The following SNTG1 variants were observed in gnomAD, a reference collection of about 807,000 sequenced individuals.
SNTG1 encodes gamma-1-syntrophin.
Under a neutral mutation model 74.7 loss-of-function variants are expected in SNTG1, and 39 were observed. That is an observed-to-expected ratio of 0.52 (90% confidence interval 0.40 to 0.68). The LOEUF (loss-of-function observed/expected upper bound fraction) is 0.68. Ranked by LOEUF, SNTG1 falls within the 30% of genes least tolerant of loss-of-function variation. The pLI, the probability that SNTG1 is intolerant of heterozygous loss-of-function variation, is 0.00. For missense variants in SNTG1, 685 were observed against 609.5 expected, an observed-to-expected ratio of 1.12 and a Z score of -1.30; for synonymous variants, 254 against 217.1, an observed-to-expected ratio of 1.17 and a Z score of -1.49.
chr8:50,298,534 T>C (rs556050726), intron 2 of SNTG1, among the ~76,000 whole-genome samples: 3 of 152,298 alleles, frequency 2.0e-5, no homozygotes, highest in East Asian at 1.9e-4. Flanking sequence ...AAGATAAGGA[T>C]GAAGGCAAGG....
At chr8:50,621,960 C>G (rs542883352) in intron 13 of SNTG1, among the ~76,000 whole-genome samples, 3 of 152,298 alleles carry the variant, frequency 2.0e-5, no homozygotes, top group South Asian at 2.1e-4. Context: ...AGCCTTGCTC[C>G]TATATGGGCT....
chr8:50,168,572 T>G (rs1451453704), intron 1 of SNTG1, among the ~76,000 whole-genome samples: 1 of 152,144 alleles, frequency 6.6e-6, no homozygotes, highest in African/African-American at 2.4e-5. Flanking sequence ...TGTGTATATA[T>G]ATATGTATAT....
chr8:50,295,163 C>G (rs149398120), intron 2 of SNTG1, among the ~76,000 whole-genome samples: 22 of 152,184 alleles, frequency 1.4e-4, no homozygotes, highest in Non-Finnish European at 2.8e-4. Context: ...AAAATCAAAC[C>G]TAAGGACAAA....
At chr8:50,151,190 T>C (rs547261447) in intron 1 of SNTG1, among the ~76,000 whole-genome samples, 2 of 152,344 alleles carry the variant, frequency 1.3e-5, no homozygotes, top group East Asian at 3.9e-4. Flanking sequence ...TTTTCTAGTT[T>C]ATTTGTGTAG....
intron 1 of SNTG1, among the ~76,000 whole-genome samples, chr8:49,979,542 G>T (rs1429369801): frequency 6.6e-6 from 1 of 152,012 alleles, no homozygotes; most frequent in Admixed American, 6.6e-5. Flanking sequence ...CCCTTCCTCT[G>T]CCTGTCTGCA....
chr8:50,710,689 G>A (rs567523694), intron 17 of SNTG1, among the ~76,000 whole-genome samples: 1 of 152,286 alleles, frequency 6.6e-6, no homozygotes, highest in East Asian at 1.9e-4. Context: ...TGTATAATAA[G>A]GGAGAAAATC....
intron 12 of SNTG1, among the ~76,000 whole-genome samples, chr8:50,572,400 T>C (rs1056267239): frequency 6.6e-6 from 1 of 152,158 alleles, no homozygotes; most frequent in Non-Finnish European, 1.5e-5. Context: ...AGGCTTCTGA[T>C]TCACAGTTGT....
chr8:50,589,266 C>A lies in SNTG1; in HGVS notation c.811-1613C>A, dbSNP rs932584568. Among the ~76,000 whole-genome samples the A allele has an allele frequency of 1.2e-4, 18 of 151,892 alleles. 1 individual carries two copies. The highest frequency in any genetic ancestry group is 1.0e-3 in the Admixed American group (16 of 15,242). On this transcript the variant is annotated intron_variant, in intron 12 of 18. Coordinates refer to ENST00000642720, the MANE Select transcript of SNTG1 (RefSeq NM_018967.5). ...TCAGGTATGTACTAAGGGAAACTAA[C>A]AAAAACAAAAAATTATAATATAACA...
chr8:49,950,765 AT>A, intron 1 of SNTG1, among the ~76,000 whole-genome samples: 1 of 152,274 alleles, frequency 6.6e-6, no homozygotes, highest in Admixed American at 6.5e-5. Flanking sequence ...TTGATTTGGC[AT>A]GCAAAAAGGC....
intron 1 of SNTG1, among the ~76,000 whole-genome samples, chr8:50,025,809 T>C (rs1817216091): frequency 6.6e-6 from 1 of 152,218 alleles, no homozygotes; most frequent in Non-Finnish European, 1.5e-5. Flanking sequence ...TGATACATTG[T>C]AACTCTTTTC....
chr8:49,960,085 A>G (rs1459598994), intron 1 of SNTG1, among the ~76,000 whole-genome samples: 1 of 152,210 alleles, frequency 6.6e-6, no homozygotes, highest in Non-Finnish European at 1.5e-5. Flanking sequence ...GTGCAACTGA[A>G]CTAAGCTGAG....
At chr8:50,026,740 C>T (rs928563968) in intron 1 of SNTG1, among the ~76,000 whole-genome samples, 8 of 151,754 alleles carry the variant, frequency 5.3e-5, no homozygotes, top group Admixed American at 1.3e-4. Context: ...TATCTTGCCC[C>T]CTTGAAAGGA....
chr8:50,599,176 G>T (rs1355132731), intron 13 of SNTG1, among the ~76,000 whole-genome samples: 1 of 151,918 alleles, frequency 6.6e-6, no homozygotes, highest in South Asian at 2.1e-4. Flanking sequence ...TTCACTGTAG[G>T]TGTATAAACT....
Position 50,704,661 on chromosome 8 carries a change from A to T in SNTG1, c.1100A>T (p.Asp367Val), listed in dbSNP as rs1436953773. The change falls in exon 16 of 19, where the codon GAC becomes GTC. Residue 367 changes from aspartate (D) to valine (V), a missense_variant. By Grantham distance (152) the Asp-to-Val change is radical. Transcript: ENST00000642720. ...CFTVQSESGE[D>V]LYFSVELESD... ...ACCGTGCAGTCTGAGTCTGGGGAGG[A>T]CCTGTACTTCTCAGTGGAGCTGGAA... 1 of 1,613,740 alleles carries T rather than the reference A, an allele frequency of 6.2e-7. No homozygotes were observed. The highest frequency in any genetic ancestry group is 8.5e-7 in the Non-Finnish European group (1 of 1,179,926).
At chr8:50,372,862 G>A (rs890337483) in intron 2 of SNTG1, among the ~76,000 whole-genome samples, 6 of 152,108 alleles carry the variant, frequency 3.9e-5, no homozygotes, top group Non-Finnish European at 7.4e-5. Flanking sequence ...ACTGGATTTC[G>A]TATACAAAAA....
chr8:50,731,743 C>A (rs2095513591), intron 17 of SNTG1, among the ~76,000 whole-genome samples: 1 of 152,050 alleles, frequency 6.6e-6, no homozygotes, highest in African/African-American at 2.4e-5. Context: ...CATTAATATT[C>A]TTAACACAAT....
At chr8:50,126,351 A>C (rs938820681) in intron 1 of SNTG1, among the ~76,000 whole-genome samples, 1 of 152,142 alleles carries the variant, frequency 6.6e-6, no homozygotes, top group African/African-American at 2.4e-5. Flanking sequence ...TCCATAACTG[A>C]TACAGGAGAA....
Position 50,518,023 on chromosome 8 carries a change from A to T in SNTG1, c.467-12154A>T, listed in dbSNP as rs148932305. Among the ~76,000 whole-genome samples, 995 of 152,282 alleles carry T rather than the reference A, an allele frequency of 6.5e-3. 3 individuals carry two copies. The highest frequency in any genetic ancestry group is 0.031 in the Middle Eastern group (9 of 294). On this transcript the variant is annotated intron_variant, in intron 9 of 18. Transcript: ENST00000642720. ...TATACATTCTTCTTAGCACCACATC[A>T]CACTTATTCTAAAATTGACCACACA...
chr8:50,791,401 G>A (rs2095690270), intron 18 of SNTG1, among the ~76,000 whole-genome samples: 1 of 151,788 alleles, frequency 6.6e-6, no homozygotes, highest in South Asian at 2.1e-4. Context: ...ATCAAATATT[G>A]AAGGTTTCAA....
Sources: gnomAD v4.1 joint callset for allele counts (sites outside exome capture counted in the v4.1 genomes callset) on GRCh38, gnomAD v4.1.1 for gene constraint, MANE v1.5 for transcripts, NCBI Gene and HGNC (gene_info 2026-07-23, HGNC 2026-07-21) for gene names.